Variants in DOK3 observed in about 807,000 individuals in gnomAD.
DOK3 encodes the protein Dok-like protein.
Under a neutral mutation model 26.2 loss-of-function variants are expected in DOK3, and 23 were observed. That is an observed-to-expected ratio of 0.88 (90% CI 0.63 to 1.24). DOK3 has a LOEUF of 1.24. DOK3 is among the 50% of genes most tolerant of loss of function. The pLI is 0.00. For missense variants in DOK3, 619 were observed against 610.6 expected, an observed-to-expected ratio of 1.01 and a Z score of -0.15; for synonymous variants, 268 against 268.2, an observed-to-expected ratio of 1.00 and a Z score of 0.01.
Position 177,502,404 on chromosome 5 carries a change from A to G in DOK3, c.*1579T>C, listed in dbSNP as rs1581773476. 6.6e-6 allele frequency: 1 copy of G among 152,480 alleles called. No individual in the cohort carries two copies. The allele number at this position is 152,480 out of a possible 1,614,324, so 9.4% of individuals were successfully genotyped here. Reference sequence around the variant, plus strand: ...ACAGAGCATGTTTGCGTGTGGCTGGAAAAGCTGCTGGTAGGATGAATGGGC... The same window carrying G: ...ACAGAGCATGTTTGCGTGTGGCTGGGAAAGCTGCTGGTAGGATGAATGGGC... On this transcript the variant is annotated 3_prime_UTR_variant, in exon 6 of 6. Transcript: ENST00000510898.
intron 5 of DOK3, 39 bp from the exon 6 acceptor site, chr5:177,504,699 T>C (rs780502638): frequency 9.3e-6 from 15 of 1,613,578 alleles, no homozygotes; most frequent in Non-Finnish European, 4.2e-6. Context: ...AGCAGGAGGG[T>C]CCAGGGTGTC....
At chr5:177,504,963 C>T (rs1367216234) in intron 4 of DOK3, 48 bp from the exon 5 acceptor site, 4 of 1,582,538 alleles carry the variant, frequency 2.5e-6, no homozygotes, top group South Asian at 1.2e-5. Context: ...AAAGACCCAG[C>T]CCTGGGTGTG....
Position 177,504,033 on chromosome 5 carries a change from G to A in DOK3, c.1273C>T (p.Leu425=). The change falls in exon 6 of 6, where the codon CTG becomes TTG. Residue 425 remains leucine, a synonymous_variant. Coordinates refer to ENST00000510898, the MANE Select transcript of DOK3 (RefSeq NM_001308236.3). ...CCCTTCCTCCGCTCACGACTCAGCA[G>A]GGTCACCAGCTTGGCCTTGAAACCT... The part of the protein sequence containing the change: ...QAGFKAKLVT[L]LSRERRKGPA... 6.3e-7 allele frequency: 1 copy of A among 1,588,918 alleles called. No homozygotes were observed. The highest frequency in any genetic ancestry group is 8.6e-7 in the Non-Finnish European group (1 of 1,167,656).
upstream of DOK3, chr5:177,510,038 C>G: frequency 1.3e-6 from 1 of 767,320 alleles, no homozygotes; most frequent in Non-Finnish European, 2.1e-6. Context: ...CTCGTGTTCA[C>G]CTGCTCCTCT....
chr5:177,505,736 GGTTT>G (rs987245067), intron 3 of DOK3, among the ~76,000 whole-genome samples: 5 of 152,010 alleles, frequency 3.3e-5, no homozygotes, highest in African/African-American at 9.7e-5. Context: ...CCGCCTCCCG[GGTTT>G]GTTTTTTTTC....
At chr5:177,510,545 T>C, upstream of DOK3, 1 of 152,678 alleles carries the variant, frequency 6.5e-6, no homozygotes, top group South Asian at 2.0e-4. Context: ...GTGTATACCT[T>C]TATTCTGGAA....
At chr5:177,506,675 T>C (rs1760210098) in intron 3 of DOK3, among the ~76,000 whole-genome samples, 2 of 137,778 alleles carry the variant, frequency 1.5e-5, no homozygotes, top group Admixed American at 1.7e-4. Flanking sequence ...AGTGCTCTTT[T>C]TTTTCTTTTC....
chr5:177,505,792 A>G (rs529510046), intron 3 of DOK3, among the ~76,000 whole-genome samples: 2 of 151,408 alleles, frequency 1.3e-5, no homozygotes, highest in Non-Finnish European at 2.9e-5. Flanking sequence ...GCTGGAGTGC[A>G]GTGGCGCGAT....
rs540258218 is a variant in DOK3 at position 177,508,339 on chromosome 5, C to T, written c.270G>A (p.Arg90=). The T allele has an allele frequency of 1.3e-6, 2 of 1,597,960 alleles. No homozygotes were observed. The highest frequency in any genetic ancestry group is 4.5e-5 in the East Asian group (2 of 44,620). The change falls in exon 3 of 6, where the codon CGG becomes CGA. Residue 90 remains arginine, a synonymous_variant. Coordinates refer to ENST00000510898, the MANE Select transcript of DOK3 (RefSeq NM_001308236.3). The stretch of plus-strand genomic sequence containing the variant: ...TGGTGAGCAGGAAGGCACCGGTGTC[C>T]CGGGGGCAGCTCTCGCCGTCAGCCG... ...VLPADGESCP[R]DTGAFLLTTT...
In DOK3 at chr5:177,504,601, G is replaced by A. The variant is rs753314174; in HGVS notation, c.705C>T (p.Phe235=). The change falls in exon 6 of 6, where the codon TTC becomes TTT. Residue 235 remains phenylalanine (F), a synonymous_variant. Coordinates refer to ENST00000510898, the MANE Select transcript of DOK3 (RefSeq NM_001308236.3). ...RCHSGEGLFA[F]STPCAPDLCR... is the part of the protein sequence containing the mutation. ...ACAGGTCAGGGGCACAGGGGGTGCT[G>A]AAGGCAAAGAGGCCCTCACCCGAGT... is the stretch of plus-strand genomic sequence containing the variant. 3 of 1,610,338 alleles carry A rather than the reference G, an allele frequency of 1.9e-6. No individual in the cohort carries two copies. The highest frequency in any genetic ancestry group is 2.5e-6 in the Non-Finnish European group (3 of 1,179,146).
Position 177,508,534 on chromosome 5 carries a change from CCAGCACT to C in DOK3, c.68_74del (p.Lys23SerfsTer152). On this transcript the variant is annotated frameshift_variant and splice_region_variant, in exon 3 of 6. Coordinates refer to ENST00000510898, the MANE Select transcript of DOK3 (RefSeq NM_001308236.3). LOFTEE classifies it high-confidence loss of function. ...CATACAGCAGAGCCCACACCTTCCG[CCAGCACT>C]TCTGCGGGAGGGGAGCGGGAGGGTG... 1 of 1,544,904 alleles carries C rather than the reference CCAGCACT, an allele frequency of 6.5e-7. No homozygotes were observed. Among genetic ancestry groups the C allele is most frequent in the Non-Finnish European group, 8.8e-7 (1 of 1,136,444 alleles).
intron 3 of DOK3, among the ~76,000 whole-genome samples, chr5:177,506,946 A>G (rs1760264659): frequency 6.6e-6 from 1 of 152,116 alleles, no homozygotes; most frequent in African/African-American, 2.4e-5. Context: ...TCGGCCTCCC[A>G]AAGTGCTGGG....
rs1355301076 is a variant in DOK3, at chr5:177,502,536, AAGAC to A, written c.*1443_*1446del. 6.4e-6 allele frequency: 1 copy of A among 156,182 alleles called. No individual in the cohort carries two copies. The highest frequency in any genetic ancestry group is 2.4e-5 in the African/African-American group (1 of 41,476). The allele number at this position is 156,182 out of a possible 1,614,324, so 9.7% of individuals were successfully genotyped here. ...CTGTTTCTACTGTAGGGGTAGGAAG[AAGAC>A]AGATGGATGCCAGTACACTTGCAGA... On this transcript the variant is annotated 3_prime_UTR_variant, in exon 6 of 6. Transcript: ENST00000510898.
chr5:177,503,551 A>AC lies in DOK3; in HGVS notation c.*431_*432insG. On this transcript the variant is annotated 3_prime_UTR_variant, in exon 6 of 6. Coordinates refer to ENST00000510898, the MANE Select transcript of DOK3 (RefSeq NM_001308236.3). Reference sequence around the variant, plus strand: ...TTGCTCCTTCCTGAGTCTGACAAGTAAGCCTCACAGCTCCCTCCGCCTGCC... The same window carrying AC: ...TTGCTCCTTCCTGAGTCTGACAAGTACAGCCTCACAGCTCCCTCCGCCTGCC... The AC allele has an allele frequency of 7.3e-7, 1 of 1,378,482 alleles. No homozygotes were observed. The highest frequency in any genetic ancestry group is 9.5e-7 in the Non-Finnish European group (1 of 1,049,578). 85.4% of individuals were successfully genotyped at this position (1,378,482 alleles called of 1,614,324 possible). A position where few individuals can be genotyped will look rare whatever the true frequency, so the allele number is the denominator to read the frequency against.
rs1201813445 is a variant in DOK3, at chr5:177,504,134, C to G, written c.1172G>C (p.Ser391Thr). The G allele has an allele frequency of 6.2e-7, 1 of 1,613,780 alleles. No homozygotes were observed. ...CCGCCGGTACTGGGCCTCCAGGGTA[C>G]TGTCGTTGGCCGGGCCGGGCCAGCT... is the stretch of plus-strand genomic sequence containing the variant. ...DLSWPGPAND[S>T]TLEAQYRRLL... Residue 391 changes from serine to threonine, a missense_variant, in exon 6 of 6, where the codon AGT (serine) becomes ACT (threonine). Physicochemically the swap from Ser to Thr is moderately conservative, Grantham distance 58 (BLOSUM62 1). Transcript: ENST00000510898.
chr5:177,509,347 G>T, intron 2 of DOK3, 128 bp downstream of exon 2: 1 of 1,287,074 alleles, frequency 7.8e-7, no homozygotes, highest in Non-Finnish European at 1.1e-6. Flanking sequence ...TACCTGGGTG[G>T]GATCCTCCAC....
chr5:177,505,114 G>T lies in DOK3; in HGVS notation c.373-4C>A, dbSNP rs762980118. ...CTGAGGAGGCCTCCCCTGTCCCCTGGGGAATGAGTTCAAGTCAAAGGTGAG... is the reference window on the plus strand; with the variant it reads ...CTGAGGAGGCCTCCCCTGTCCCCTGTGGAATGAGTTCAAGTCAAAGGTGAG... On this transcript the variant is annotated splice_region_variant and splice_polypyrimidine_tract_variant and intron_variant, in intron 3 of 5. Transcript: ENST00000510898. 4.4e-6 allele frequency: 7 copies of T among 1,601,850 alleles called. No homozygotes were observed. The Admixed American group carries it at 1.2e-4, about 28-fold the overall frequency.
rs1190554489 is a variant in DOK3 at position 177,503,582 on chromosome 5, G to A, written c.*401C>T. 35 of 1,300,658 alleles carry A rather than the reference G, an allele frequency of 2.7e-5. No individual in the cohort carries two copies. The South Asian group carries it at 5.1e-4, about 19-fold the overall frequency. The allele number at this position is 1,300,658 out of a possible 1,614,324, so 80.6% of individuals were successfully genotyped here. A position where few individuals can be genotyped will look rare whatever the true frequency, so the allele number is the denominator to read the frequency against. On this transcript the variant is annotated 3_prime_UTR_variant, in exon 6 of 6. Transcript: ENST00000510898. ...CACAGCTCCCTCCGCCTGCCTCTTC[G>A]TGTCACTCGGCCGTGCAGAGCAACA... is the stretch of plus-strand genomic sequence containing the variant.
chr5:177,506,324 C>T lies in DOK3; in HGVS notation c.373-1214G>A, dbSNP rs143620236. On this transcript the variant is annotated intron_variant, in intron 3 of 5. Coordinates refer to ENST00000510898, the MANE Select transcript of DOK3 (RefSeq NM_001308236.3). ...GAGAACATAAAATTTACTGTTTTAA[C>T]CATCTTACTTTTTTTTTTTTTTTTG... Among the ~76,000 whole-genome samples, 515 of 127,208 alleles carry T rather than the reference C, an allele frequency of 4.0e-3. 3 individuals carry two copies. Among genetic ancestry groups the T allele is most frequent in the Non-Finnish European group, 6.4e-3 (406 of 63,314 alleles). The allele number at this position is 127,208 out of a possible 152,430, so 83.5% of individuals were successfully genotyped here.
Sources: allele counts gnomAD v4.1 joint callset (sites outside exome capture counted in the v4.1 genomes callset), GRCh38; gene constraint gnomAD v4.1.1; transcripts MANE v1.5; gene names NCBI Gene and HGNC (gene_info 2026-07-23, HGNC 2026-07-21).